The following MARCHF3 variants were observed in gnomAD, a reference collection of about 807,000 sequenced individuals.
The protein encoded by MARCHF3 is E3 ubiquitin-protein ligase MARCHF3.
MARCHF3 carries 13 observed loss-of-function variants against 24.2 expected under a neutral mutation model. The ratio of observed to expected loss-of-function variants is 0.54; its 90% CI spans 0.35 to 0.85. The LOEUF is 0.85. Among genes scored for constraint, MARCHF3 ranks in the 40% least tolerant of loss-of-function variants. The pLI, the probability that MARCHF3 is intolerant of heterozygous loss-of-function variation, is 0.01. For synonymous variants in MARCHF3, 144 were observed against 137.3 expected, an observed-to-expected ratio of 1.05 and a Z score of -0.34; for missense variants, 276 against 325.0, an observed-to-expected ratio of 0.85 and a Z score of 1.16.
chr5:126,908,463 A>T (rs1352489237), intron 3 of MARCHF3, among the ~76,000 whole-genome samples: 1 of 152,202 alleles, frequency 6.6e-6, no homozygotes, highest in Admixed American at 6.5e-5. Flanking sequence ...TACACCAATC[A>T]GACATAGATT....
chr5:126,886,180 T>A (rs780359335), intron 3 of MARCHF3, among the ~76,000 whole-genome samples: 1 of 152,108 alleles, frequency 6.6e-6, no homozygotes, highest in Non-Finnish European at 1.5e-5. Flanking sequence ...TTATTCCCAT[T>A]TTGGATTAGG....
chr5:126,929,263 G>T (rs1749401735), intron 1 of MARCHF3, among the ~76,000 whole-genome samples: 1 of 152,102 alleles, frequency 6.6e-6, no homozygotes, highest in Non-Finnish European at 1.5e-5. Context: ...GGAACCCCAG[G>T]ATTGGCTTGA....
intron 3 of MARCHF3, among the ~76,000 whole-genome samples, chr5:126,878,916 T>G (rs1440447869): frequency 6.6e-6 from 1 of 152,256 alleles, no homozygotes; most frequent in Non-Finnish European, 1.5e-5. Context: ...GTATTTTGCA[T>G]GCCAGAGGCC....
At chr5:126,963,531 C>A (rs1217008680) in intron 1 of MARCHF3, among the ~76,000 whole-genome samples, 1 of 152,138 alleles carries the variant, frequency 6.6e-6, no homozygotes, top group East Asian at 1.9e-4. Flanking sequence ...CAAGCACTCA[C>A]ATCTTCTGCA....
At chr5:126,973,946 G>A (rs911341188) in intron 1 of MARCHF3, among the ~76,000 whole-genome samples, 13 of 137,710 alleles carry the variant, frequency 9.4e-5, no homozygotes, top group East Asian at 2.2e-4. Flanking sequence ...GCCGGACTGC[G>A]GACTGCAGTG....
rs529117417 is a variant in MARCHF3 at position 127,017,497 on chromosome 5, C to T, written c.-57+12853G>A. Among the ~76,000 whole-genome samples the T allele has an allele frequency of 1.2e-4, 18 of 152,254 alleles. 1 individual carries two copies. The South Asian group carries it at 3.7e-3, about 32-fold the overall frequency. On this transcript the variant is annotated intron_variant, in intron 1 of 4. Transcript: ENST00000308660. ...TCGTATACCAAAATGCTTTAATACA[C>T]CTAGAACATCATAGTTTAGCTTAGC... is the stretch of plus-strand genomic sequence containing the variant.
chr5:126,909,424 T>C (rs1019259213), intron 3 of MARCHF3, among the ~76,000 whole-genome samples: 15 of 152,252 alleles, frequency 9.9e-5, no homozygotes, highest in Non-Finnish European at 2.1e-4. Flanking sequence ...CCAGCCTCGC[T>C]GTCGCCTTGC....
intron 1 of MARCHF3, among the ~76,000 whole-genome samples, chr5:127,010,921 A>G (rs1423134965): frequency 2.0e-5 from 3 of 152,152 alleles, no homozygotes; most frequent in African/African-American, 7.2e-5. Flanking sequence ...TAAGATGAAA[A>G]GAGTTCTGTA....
chr5:126,923,423 T>C (rs978929307), intron 1 of MARCHF3, among the ~76,000 whole-genome samples: 1 of 152,100 alleles, frequency 6.6e-6, no homozygotes, highest in African/African-American at 2.4e-5. Context: ...TCTATTTGGG[T>C]AGAAAAATGA....
intron 1 of MARCHF3, among the ~76,000 whole-genome samples, chr5:127,016,590 A>T (rs1752644397): frequency 6.6e-6 from 1 of 152,240 alleles, no homozygotes; most frequent in Admixed American, 6.5e-5. Context: ...AATGGAGATC[A>T]TTAAAAAGGC....
intron 1 of MARCHF3, among the ~76,000 whole-genome samples, chr5:126,949,224 T>C (rs917331302): frequency 3.5e-4 from 54 of 152,294 alleles, no homozygotes; most frequent in African/African-American, 1.3e-3. Context: ...ATAAATGATA[T>C]GAAATCTCAA....
At chr5:126,956,672 C>A (rs796233541) in intron 1 of MARCHF3, among the ~76,000 whole-genome samples, 2,381 of 115,540 alleles carry the variant, frequency 0.021, 68 homozygotes, top group South Asian at 0.11. Flanking sequence ...AAAAAAAAAA[C>A]CAAAAAAACA....
At chr5:126,984,464 G>A (rs568343136) in intron 1 of MARCHF3, among the ~76,000 whole-genome samples, 1 of 152,266 alleles carries the variant, frequency 6.6e-6, no homozygotes, top group East Asian at 1.9e-4. Flanking sequence ...AGGTCCATAG[G>A]GGAACCAGTA....
chr5:126,972,245 TAAA>T (rs747060453), intron 1 of MARCHF3, among the ~76,000 whole-genome samples: 4 of 58,676 alleles, frequency 6.8e-5, no homozygotes, highest in African/African-American at 1.1e-4. Context: ...ATTAAAGAAC[TAAA>T]AAAAAAAAAA....
chr5:127,025,903 A>C (rs1282092316), intron 1 of MARCHF3, among the ~76,000 whole-genome samples: 3 of 152,186 alleles, frequency 2.0e-5, no homozygotes, highest in Non-Finnish European at 4.4e-5. Context: ...TGGGAACTTA[A>C]GGGGGCATTT....
intron 1 of MARCHF3, among the ~76,000 whole-genome samples, chr5:127,004,110 C>T (rs190539572): frequency 6.6e-6 from 1 of 152,304 alleles, no homozygotes; most frequent in African/African-American, 2.4e-5. Context: ...TCCACAGGAA[C>T]AAATGAGCCC....
At chr5:126,943,393 C>T (rs930870366) in intron 1 of MARCHF3, among the ~76,000 whole-genome samples, 1 of 152,024 alleles carries the variant, frequency 6.6e-6, no homozygotes, top group Non-Finnish European at 1.5e-5. Context: ...GCTTGGGAAA[C>T]ATACGGAGAT....
chr5:126,884,463 G>A (rs139489761), intron 3 of MARCHF3, among the ~76,000 whole-genome samples: 2 of 152,220 alleles, frequency 1.3e-5, no homozygotes, highest in African/African-American at 4.8e-5. Context: ...ACCTCTAGAC[G>A]TGCACATTCA....
chr5:126,884,012 C>A (rs1212331110), intron 3 of MARCHF3, among the ~76,000 whole-genome samples: 2 of 152,212 alleles, frequency 1.3e-5, no homozygotes, highest in East Asian at 3.8e-4. Flanking sequence ...CTGCCTGAGT[C>A]TCCTGTTAGG....
Sources: gnomAD v4.1 joint callset for allele counts (sites outside exome capture counted in the v4.1 genomes callset) on GRCh38, gnomAD v4.1.1 for gene constraint, MANE v1.5 for transcripts, NCBI Gene and HGNC (gene_info 2026-07-23, HGNC 2026-07-21) for gene names.